The following KANK1 variants were observed in gnomAD, a reference collection of about 807,000 sequenced individuals.
The protein encoded by KANK1 is KN motif and ankyrin repeat domain-containing protein 1.
Under a neutral mutation model 106.2 loss-of-function variants are expected in KANK1, and 109 were observed. The ratio of observed to expected loss-of-function variants is 1.03; its 90% CI spans 0.88 to 1.20. The LOEUF (loss-of-function observed/expected upper bound fraction) is 1.20. Ranked by LOEUF, KANK1 falls within the 50% of genes most tolerant of loss-of-function variation. The pLI is 0.00. For missense variants in KANK1, 2,399 were observed against 1,710.7 expected, an observed-to-expected ratio of 1.40 and a Z score of -7.10; for synonymous variants, 873 against 652.2, an observed-to-expected ratio of 1.34 and a Z score of -5.16.
At chr9:513,321 C>G (rs770298218) in intron 1 of KANK1, among the ~76,000 whole-genome samples, 1 of 152,216 alleles carries the variant, frequency 6.6e-6, no homozygotes, top group Non-Finnish European at 1.5e-5. Flanking sequence ...TGTGGATGTG[C>G]TGTCAGAAAT....
chr9:674,235 C>T (rs1418749311), intron 1 of KANK1: 1 of 152,082 alleles, frequency 6.6e-6, no homozygotes, highest in African/African-American at 2.4e-5. Context: ...AGATTGGAGC[C>T]ATCCTATCCT....
rs533350914 is a variant in KANK1 at position 644,206 on chromosome 9, T to G, written c.-83-32684T>G. 2.0e-5 allele frequency among the ~76,000 whole-genome samples: 3 copies of G among 151,010 alleles called. 1 individual carries two copies. The highest frequency in any genetic ancestry group is 5.0e-5 in the African/African-American group (2 of 40,308). ...AAGTAGAGCAGATCCTATCCTAGCC[T>G]TGTAGGTCTAGAGACCGAACTATAG... On this transcript the variant is annotated intron_variant, in intron 1 of 11. Coordinates refer to ENST00000382297, the MANE Select transcript of KANK1 (RefSeq NM_015158.5).
intron 2 of KANK1, chr9:681,087 T>C (rs963329247): frequency 6.6e-6 from 1 of 152,256 alleles, no homozygotes; most frequent in Admixed American, 6.6e-5. Flanking sequence ...GGCATAGTGG[T>C]ATGCACCTGT....
chr9:520,529 G>A (rs2059497305), intron 1 of KANK1, among the ~76,000 whole-genome samples: 1 of 151,494 alleles, frequency 6.6e-6, no homozygotes, highest in South Asian at 2.1e-4. Context: ...TGACAATGGG[G>A]GATATAATCC....
chr9:633,852 A>G (rs949483935), intron 1 of KANK1, among the ~76,000 whole-genome samples: 1 of 152,050 alleles, frequency 6.6e-6, no homozygotes, highest in African/African-American at 2.4e-5. Context: ...GGGTCTCCTT[A>G]TGTTGCCCAG....
chr9:488,320 G>C (rs2058327066), intron 3 of KANK1, among the ~76,000 whole-genome samples: 1 of 152,162 alleles, frequency 6.6e-6, no homozygotes, highest in African/African-American at 2.4e-5. Flanking sequence ...TTCTGGAGAA[G>C]GAAAGGCTTT....
At chr9:605,611 C>A (rs531227034) in intron 1 of KANK1, among the ~76,000 whole-genome samples, 2 of 151,812 alleles carry the variant, frequency 1.3e-5, no homozygotes. Flanking sequence ...GTAATCTCTT[C>A]TGTACAGGTG....
upstream of KANK1, among the ~76,000 whole-genome samples, chr9:501,613 T>TACACACATAC (rs2058553741): frequency 6.7e-6 from 1 of 148,432 alleles, no homozygotes; most frequent in Non-Finnish European, 1.5e-5. Context: ...CGCACAGACA[T>TACACACATAC]ACACACACAC....
At chr9:643,708 T>TG (rs1468612128) in intron 1 of KANK1, among the ~76,000 whole-genome samples, 1 of 149,886 alleles carries the variant, frequency 6.7e-6, no homozygotes, top group Non-Finnish European at 1.5e-5. Context: ...TTGTTTTTTT[T>TG]GGGTTTTTTT....
intron 3 of KANK1, among the ~76,000 whole-genome samples, chr9:727,793 C>T (rs1343404187): frequency 2.0e-5 from 3 of 151,274 alleles, no homozygotes; most frequent in African/African-American, 4.9e-5. Flanking sequence ...TTTCAATTAA[C>T]CATATATTAC....
chr9:682,152 C>T lies in KANK1; in HGVS notation c.37+5143C>T, dbSNP rs556745814. On this transcript the variant is annotated intron_variant, in intron 2 of 11. Transcript: ENST00000382297. ...AAAACTAGCTGGGTGTGGTGGTGGG[C>T]GCCTGTAATTCCAGCTACTCGGGAG... is the stretch of plus-strand genomic sequence containing the variant. Among the ~76,000 whole-genome samples, 176 of 151,812 alleles carry T rather than the reference C, an allele frequency of 1.2e-3. 1 individual carries two copies. Among genetic ancestry groups the T allele is most frequent in the Non-Finnish European group, 2.2e-3 (149 of 67,950 alleles).
At chr9:635,173 T>A (rs1836786143) in intron 1 of KANK1, among the ~76,000 whole-genome samples, 1 of 152,116 alleles carries the variant, frequency 6.6e-6, no homozygotes, top group Admixed American at 6.5e-5. Context: ...CCTTTGTATG[T>A]CCCTCTTCCA....
chr9:592,535 C>T (rs1021580843), intron 1 of KANK1, among the ~76,000 whole-genome samples: 1 of 151,774 alleles, frequency 6.6e-6, no homozygotes, highest in African/African-American at 2.4e-5. Flanking sequence ...GTTTTTTCAT[C>T]CATCGCTCAG....
intron 2 of KANK1, chr9:707,054 C>G (rs979700329): frequency 6.1e-6 from 6 of 985,346 alleles, no homozygotes; most frequent in African/African-American, 5.2e-5. Flanking sequence ...GGTGGTGTCA[C>G]TGCAGCCGGA....
chr9:557,383 A>G (rs1238356460), intron 1 of KANK1, among the ~76,000 whole-genome samples: 1 of 152,170 alleles, frequency 6.6e-6, no homozygotes, highest in Admixed American at 6.5e-5. Context: ...TGTATTCAAT[A>G]TAGTATTCTC....
chr9:573,512 C>T (rs200360160), intron 1 of KANK1, among the ~76,000 whole-genome samples: 5 of 152,170 alleles, frequency 3.3e-5, no homozygotes, highest in East Asian at 1.9e-4. Flanking sequence ...CCTCGTGATC[C>T]GCCCTCCTCG....
chr9:498,590 T>C (rs1384500752), intron 3 of KANK1, among the ~76,000 whole-genome samples: 1 of 152,104 alleles, frequency 6.6e-6, no homozygotes, highest in African/African-American at 2.4e-5. Flanking sequence ...AATTCAATAA[T>C]AAAAAGACAC....
At chr9:706,398 T>A (rs970836912) in intron 2 of KANK1, among the ~76,000 whole-genome samples, 37 of 152,142 alleles carry the variant, frequency 2.4e-4, no homozygotes, top group African/African-American at 8.9e-4. Flanking sequence ...TGTGATAAGT[T>A]TTGTTGTGTT....
intron 1 of KANK1, among the ~76,000 whole-genome samples, chr9:554,902 A>C (rs1221594803): frequency 6.6e-6 from 1 of 152,222 alleles, no homozygotes; most frequent in Non-Finnish European, 1.5e-5. Flanking sequence ...TGCAGCTGCA[A>C]GCACCATGGG....
Sources: allele counts gnomAD v4.1 joint callset (sites outside exome capture counted in the v4.1 genomes callset), GRCh38; gene constraint gnomAD v4.1.1; transcripts MANE v1.5; gene names NCBI Gene and HGNC (gene_info 2026-07-23, HGNC 2026-07-21).